ZMIZ1: variants seen among roughly 807,000 people sequenced by gnomAD.
The protein encoded by ZMIZ1 is zinc finger MIZ-type containing 1, also known as zinc finger MIZ domain-containing protein 1.
A neutral mutation model predicts 113.9 loss-of-function variants in ZMIZ1; 17 were observed. That is an observed-to-expected ratio of 0.15 (90% confidence interval 0.10 to 0.22). The LOEUF is 0.22. ZMIZ1 is among the 10% of genes least tolerant of loss of function. ZMIZ1 has a pLI of 1.00. For synonymous variants in ZMIZ1, 607 were observed against 603.1 expected, an observed-to-expected ratio of 1.01 and a Z score of -0.09; for missense variants, 1,059 against 1,477.8, an observed-to-expected ratio of 0.72 and a Z score of 4.65.
intron 1 of ZMIZ1, among the ~76,000 whole-genome samples, chr10:79,088,531 G>A (rs367612356): frequency 5.3e-5 from 8 of 152,166 alleles, no homozygotes; most frequent in South Asian, 4.1e-4. Flanking sequence ...TTGTCGAGCC[G>A]GGAGTTGCCA....
intron 7 of ZMIZ1, among the ~76,000 whole-genome samples, chr10:79,223,214 G>T (rs1849054404): frequency 1.3e-5 from 2 of 152,248 alleles, no homozygotes; most frequent in South Asian, 4.1e-4. Flanking sequence ...GCGCAGCTCT[G>T]CGTGAAAAAC....
In ZMIZ1 at chr10:79,209,822, A is replaced by G. The variant is rs1056633741; in HGVS notation, c.174+1373A>G. Among the ~76,000 whole-genome samples the G allele has an allele frequency of 2.6e-5, 4 of 152,246 alleles. No individual in the cohort carries two copies. The South Asian group carries it at 8.3e-4, about 31-fold the overall frequency. ...CTTTTAACTGACTTCCCAAGGGCGC[A>G]CAGCCTTAGAGGTGGGCCTGGGATT... On this transcript the variant is annotated intron_variant, in intron 6 of 24. Coordinates refer to ENST00000334512, the MANE Select transcript of ZMIZ1 (RefSeq NM_020338.4).
At chr10:79,193,315 A>G (rs1847686630) in intron 4 of ZMIZ1, among the ~76,000 whole-genome samples, 1 of 152,174 alleles carries the variant, frequency 6.6e-6, no homozygotes, top group East Asian at 1.9e-4. Context: ...CAGTCCAAAA[A>G]CTTCACTATG....
intron 22 of ZMIZ1, 109 bp from the exon 23 acceptor site, chr10:79,307,296 C>A: frequency 3.4e-6 from 4 of 1,166,222 alleles, no homozygotes; most frequent in Non-Finnish European, 4.9e-6. Flanking sequence ...ACTACAGCCT[C>A]GCAAGAGGAA....
At chr10:79,229,167 T>G (rs985371386) in intron 7 of ZMIZ1, among the ~76,000 whole-genome samples, 1 of 152,204 alleles carries the variant, frequency 6.6e-6, no homozygotes, top group African/African-American at 2.4e-5. Context: ...CATCTGGATC[T>G]CCTCACCCTG....
rs200463263 is a variant in ZMIZ1, at chr10:79,310,940, G to A, written c.2852G>A (p.Ser951Asn). Residue 951 changes from serine (S) to asparagine (N), a missense_variant, in exon 24 of 25, where the codon AGC (serine) becomes AAC (asparagine). By Grantham distance (46) the Ser-to-Asn change is conservative (BLOSUM62 1). Coordinates refer to ENST00000334512, the MANE Select transcript of ZMIZ1 (RefSeq NM_020338.4). ...PMQETMPHAG[S>N]SDQPHPSIQQ... ...CCTCCACAGATGCCACACGCTGGCA[G>A]CTCTGACCAGCCCCACCCCTCCATA... The A allele has an allele frequency of 1.8e-5, 29 of 1,613,462 alleles. No individual in the cohort carries two copies. Among genetic ancestry groups the A allele is most frequent in the Non-Finnish European group, 2.4e-5 (28 of 1,179,696 alleles).
intron 7 of ZMIZ1, among the ~76,000 whole-genome samples, chr10:79,262,520 ATAAACCATTT>A (rs1052480361): frequency 8.5e-5 from 13 of 152,386 alleles, no homozygotes; most frequent in African/African-American, 2.9e-4. Context: ...TGGCATTCTT[ATAAACCATTT>A]TGATTTTCAT....
chr10:79,307,491 C>G lies in ZMIZ1; in HGVS notation c.2755C>G (p.Pro919Ala), dbSNP rs1453295612. The change falls in exon 23 of 25, where the codon CCC (proline) becomes GCC (alanine). Residue 919 changes from proline to alanine, a missense_variant. By Grantham distance (27) the Pro-to-Ala change is conservative. Around this residue, in one of 6 missense-constraint regions of ZMIZ1, gnomAD observed 225 missense variants for 276.0 expected, o/e 0.82. Transcript: ENST00000334512. ...TSMNDFMHGP[P>A]QLSHPPDMPN... ...CATGAATGACTTCATGCACGGGCCCCCCCAGCTCTCCCACCCCCCGGACAT... is the reference window on the plus strand; with the variant it reads ...CATGAATGACTTCATGCACGGGCCCGCCCAGCTCTCCCACCCCCCGGACAT... 4 of 1,608,268 alleles carry G rather than the reference C, an allele frequency of 2.5e-6. No homozygotes were observed. The highest frequency in any genetic ancestry group is 1.7e-6 in the Non-Finnish European group (2 of 1,175,318).
rs538964523 is a variant in ZMIZ1, at chr10:79,171,302, C to T, written c.-50+9169C>T. Among the ~76,000 whole-genome samples, 6 of 152,320 alleles carry T rather than the reference C, an allele frequency of 3.9e-5. No individual in the cohort carries two copies. In the South Asian group the frequency reaches 8.3e-4, roughly 21 times the overall value. ...CTTCACTGCCGGGCCTTCACTCCAC[C>T]GGGGATGAGGCCAGGGCCTAGAACT... On this transcript the variant is annotated intron_variant, in intron 4 of 24. Coordinates refer to ENST00000334512, the MANE Select transcript of ZMIZ1 (RefSeq NM_020338.4).
chr10:79,221,283 CGT>C (rs898075172), intron 7 of ZMIZ1, among the ~76,000 whole-genome samples: 60 of 151,698 alleles, frequency 4.0e-4, no homozygotes, highest in African/African-American at 1.4e-3. Context: ...TGTGTGTGTG[CGT>C]GTGTGTGTCC....
At chr10:79,254,730 G>A (rs574529957) in intron 7 of ZMIZ1, among the ~76,000 whole-genome samples, 19 of 152,340 alleles carry the variant, frequency 1.2e-4, no homozygotes, top group Admixed American at 1.2e-3. Flanking sequence ...AATTTGAAGG[G>A]CAGTTTAGAC....
At chr10:79,231,856 G>T (rs1387468540) in intron 7 of ZMIZ1, among the ~76,000 whole-genome samples, 1 of 152,234 alleles carries the variant, frequency 6.6e-6, no homozygotes. Flanking sequence ...GGGATTACAG[G>T]CATGAGCCAC....
At chr10:79,122,556 C>T (rs1844342725) in intron 2 of ZMIZ1, among the ~76,000 whole-genome samples, 1 of 152,136 alleles carries the variant, frequency 6.6e-6, no homozygotes, top group South Asian at 2.1e-4. Context: ...CTCACTCCTG[C>T]AGGTTAGATG....
At chr10:79,163,690 G>A (rs1267458421) in intron 4 of ZMIZ1, among the ~76,000 whole-genome samples, 1 of 152,338 alleles carries the variant, frequency 6.6e-6, no homozygotes, top group Admixed American at 6.5e-5. Flanking sequence ...TAGAGGCCAG[G>A]GGCGGGGCCC....
chr10:79,141,300 T>TAGGG (rs1389632215), intron 3 of ZMIZ1, among the ~76,000 whole-genome samples: 1 of 152,212 alleles, frequency 6.6e-6, no homozygotes, highest in Non-Finnish European at 1.5e-5. Flanking sequence ...TCCCTGCCCT[T>TAGGG]ACGGCGCTTG....
intron 1 of ZMIZ1, among the ~76,000 whole-genome samples, chr10:79,097,762 T>G (rs1272546961): frequency 6.6e-6 from 1 of 152,166 alleles, no homozygotes; most frequent in Non-Finnish European, 1.5e-5. Context: ...TCTGTCACTT[T>G]GGGCTTTTGT....
chr10:79,147,358 C>T (rs76716941), intron 3 of ZMIZ1, among the ~76,000 whole-genome samples: 1,891 of 152,224 alleles, frequency 0.012, 38 homozygotes, highest in African/African-American at 0.043. Context: ...CAGGGGGAGC[C>T]GAGAAAGACA....
chr10:79,246,971 T>C (rs1212818025), intron 7 of ZMIZ1, among the ~76,000 whole-genome samples: 2 of 152,112 alleles, frequency 1.3e-5, no homozygotes. Context: ...GAACGTGTGG[T>C]TTATGATTTC....
chr10:79,222,702 T>C (rs1413778143), intron 7 of ZMIZ1, among the ~76,000 whole-genome samples: 1 of 152,108 alleles, frequency 6.6e-6, no homozygotes, highest in African/African-American at 2.4e-5. Context: ...CTGTGGCCTG[T>C]GGTCCATGGA....
Sources: allele counts gnomAD v4.1 joint callset (sites outside exome capture counted in the v4.1 genomes callset), GRCh38; gene constraint gnomAD v4.1.1; regional missense constraint gnomAD v4.1.1; transcripts MANE v1.5; gene names NCBI Gene and HGNC (gene_info 2026-07-23, HGNC 2026-07-21).